Variants in TBC1D13 observed in about 807,000 individuals in gnomAD.
TBC1D13 encodes TBC1 domain family member 13, also known as epididymis secretory sperm binding protein.
Under a neutral mutation model 53.6 loss-of-function variants are expected in TBC1D13, and 40 were observed. That is an observed-to-expected ratio of 0.75 (90% CI 0.58 to 0.97). The LOEUF (loss-of-function observed/expected upper bound fraction) is 0.97. TBC1D13 is among the 50% of genes least tolerant of loss of function. The pLI is 0.00. For synonymous variants in TBC1D13, 182 were observed against 197.7 expected (o/e 0.92, Z 0.67); for missense variants, 377 against 499.4 (o/e 0.75, Z 2.34).
intron 7 of TBC1D13, among the ~76,000 whole-genome samples, chr9:128,799,650 AATG>A (rs1420172224): frequency 1.3e-5 from 2 of 152,174 alleles, no homozygotes; most frequent in African/African-American, 4.8e-5. Flanking sequence ...TCATCTTGAA[AATG>A]ATGTTGAGAG....
At position 128,792,478 on chromosome 9, in the gene TBC1D13, A is replaced by G. The variant is rs893960414; in HGVS notation, c.301-14A>G. 1 of 1,613,416 alleles carries G rather than the reference A, an allele frequency of 6.2e-7. No homozygotes were observed. Among genetic ancestry groups the G allele is most frequent in the Non-Finnish European group, 8.5e-7 (1 of 1,179,694 alleles). ...GCTGGGCCTTGGACAGAGCATCTTC[A>G]TTTCTCCCCACAGCCACTCAACCCC... On this transcript the variant is annotated splice_polypyrimidine_tract_variant and intron_variant, in intron 5 of 11. Coordinates refer to ENST00000372648, the MANE Select transcript of TBC1D13 (RefSeq NM_018201.5).
At chr9:128,787,472 C>A (rs114694814) in intron 1 of TBC1D13, 96 bp downstream of exon 1, 44,958 of 1,185,346 alleles carry the variant, frequency 0.038, 930 homozygotes, top group Middle Eastern at 0.072. Context: ...GGCCAGGAAT[C>A]GGCAGACCCC....
At chr9:128,788,153 A>G (rs1829463219) in intron 1 of TBC1D13, among the ~76,000 whole-genome samples, 181 bp from the exon 2 acceptor site, 1 of 152,206 alleles carries the variant, frequency 6.6e-6, no homozygotes, top group Non-Finnish European at 1.5e-5. Context: ...GAAGTGAAAT[A>G]TAGTTTTGTT....
rs1340024856 is a variant in TBC1D13 at position 128,787,279 on chromosome 9, C to T, written c.-75C>T. The T allele has an allele frequency of 5.1e-6, 6 of 1,179,660 alleles. No homozygotes were observed. The highest frequency in any genetic ancestry group is 4.3e-5 in the Admixed American group (1 of 23,404). 73.1% of individuals were successfully genotyped at this position (1,179,660 alleles called of 1,614,324 possible). A position where few individuals can be genotyped will look rare whatever the true frequency, so the allele number is the denominator to read the frequency against. On this transcript the variant is annotated 5_prime_UTR_variant, in exon 1 of 12. Transcript: ENST00000372648. ...CGCAGAGCCCCGCGTCCCTGGGGGG[C>T]GGCGGCGGCGGCGGCAGCGCAGGCG...
intron 7 of TBC1D13, among the ~76,000 whole-genome samples, chr9:128,802,274 T>G (rs1829750376): frequency 6.6e-6 from 1 of 151,906 alleles, no homozygotes. Flanking sequence ...GTCAGGCTGG[T>G]CTTGAACTCC....
intron 5 of TBC1D13, among the ~76,000 whole-genome samples, chr9:128,792,103 A>G (rs949172384): frequency 1.3e-5 from 2 of 152,242 alleles, no homozygotes; most frequent in Non-Finnish European, 2.9e-5. Context: ...AGACTCACAG[A>G]TAGGAATTGA....
At chr9:128,788,850 A>C (rs1042698256) in intron 2 of TBC1D13, among the ~76,000 whole-genome samples, 1 of 152,130 alleles carries the variant, frequency 6.6e-6, no homozygotes, top group Non-Finnish European at 1.5e-5. Context: ...GCCTGAACTA[A>C]ACCTTGGCTA....
chr9:128,796,578 A>G (rs7867578), intron 6 of TBC1D13, among the ~76,000 whole-genome samples: 145,168 of 152,084 alleles, frequency 0.95, 69,294 homozygotes, highest in Non-Finnish European at 0.96. Flanking sequence ...TAGAGGCAAA[A>G]TTTACCATGT....
chr9:128,791,331 C>T (rs375929835), intron 3 of TBC1D13, 49 bp from the exon 4 acceptor site: 38 of 1,554,062 alleles, frequency 2.4e-5, no homozygotes, highest in East Asian at 1.8e-4. Flanking sequence ...TAAAGACTGA[C>T]GTTGGTGCAG....
At position 128,807,846 on chromosome 9, in the gene TBC1D13, G is replaced by A; in HGVS notation, c.1170G>A (p.Leu390=). 1.2e-6 allele frequency: 2 copies of A among 1,614,222 alleles called. No individual in the cohort carries two copies. The highest frequency in any genetic ancestry group is 1.7e-6 in the Non-Finnish European group (2 of 1,180,042). The change falls in exon 12 of 12, where the codon CTG becomes CTA. Residue 390 remains leucine (L), a synonymous_variant. Transcript: ENST00000372648. The part of the protein sequence containing the change: ...DYPITDVCQI[L]QKAKELQDSK Reference sequence around the variant, plus strand: ...CCATCACAGATGTCTGCCAGATCCTGCAGAAAGCCAAGGAGCTCCAAGACT... The same window carrying A: ...CCATCACAGATGTCTGCCAGATCCTACAGAAAGCCAAGGAGCTCCAAGACT...
At chr9:128,794,306 C>A (rs1261565256) in intron 6 of TBC1D13, among the ~76,000 whole-genome samples, 1 of 152,216 alleles carries the variant, frequency 6.6e-6, no homozygotes, top group Non-Finnish European at 1.5e-5. Context: ...CCGCACAGGG[C>A]AACTCAGCCA....
At position 128,809,936 on chromosome 9, in the gene TBC1D13, C is replaced by T. The variant is rs3829901; in HGVS notation, c.*2057C>T. ...GCCCCTTCTCCAACCCCTTCATAAG[C>T]TTGGGCCACTGCCTGGGACCCAGCA... is the stretch of plus-strand genomic sequence containing the variant. On this transcript the variant is annotated 3_prime_UTR_variant, in exon 12 of 12. Transcript: ENST00000372648. 0.052 allele frequency: 8,010 copies of T among 152,678 alleles called. 242 individuals are homozygous for T. Among genetic ancestry groups the T allele is most frequent in the East Asian group, 0.1 (539 of 5,172 alleles). 9.5% of individuals were successfully genotyped at this position (152,678 alleles called of 1,614,324 possible).
intron 2 of TBC1D13, among the ~76,000 whole-genome samples, chr9:128,790,489 G>A (rs930801218): frequency 6.6e-6 from 1 of 151,534 alleles, no homozygotes; most frequent in East Asian, 1.9e-4. Flanking sequence ...CTGGAGAATC[G>A]CTGGAACTCG....
At chr9:128,799,573 G>C (rs1031048702) in intron 7 of TBC1D13, among the ~76,000 whole-genome samples, 3 of 152,196 alleles carry the variant, frequency 2.0e-5, no homozygotes, top group Non-Finnish European at 2.9e-5. Flanking sequence ...TCAGGGTCAA[G>C]TCCTGATGCC....
At chr9:128,787,597 C>T (rs1829447074) in intron 1 of TBC1D13, among the ~76,000 whole-genome samples, 1 of 152,006 alleles carries the variant, frequency 6.6e-6, no homozygotes, top group Non-Finnish European at 1.5e-5. Flanking sequence ...CCTCCCTCAT[C>T]CTGGACCCCT....
intron 2 of TBC1D13, among the ~76,000 whole-genome samples, chr9:128,789,432 C>G (rs74976019): frequency 2.0e-5 from 3 of 151,672 alleles, no homozygotes; most frequent in Non-Finnish European, 2.9e-5. Flanking sequence ...GCAGCAACTG[C>G]GGTAGTGAGC....
chr9:128,802,209 C>T (rs1829748755), intron 7 of TBC1D13, among the ~76,000 whole-genome samples: 2 of 149,542 alleles, frequency 1.3e-5, no homozygotes, highest in Non-Finnish European at 3.0e-5. Context: ...GTATACGCCA[C>T]CACGCCTGGC....
chr9:128,802,926 G>A (rs1286211759), intron 7 of TBC1D13, among the ~76,000 whole-genome samples: 1 of 152,066 alleles, frequency 6.6e-6, no homozygotes, highest in Non-Finnish European at 1.5e-5. Context: ...GTAGAGACGG[G>A]ATCTCCCTAT....
rs1829923544 is a variant in TBC1D13 at position 128,810,218 on chromosome 9, G to T, written c.*2339G>T. The T allele has an allele frequency of 6.6e-6, 1 of 152,196 alleles. No homozygotes were observed. Among genetic ancestry groups the T allele is most frequent in the Non-Finnish European group, 1.5e-5 (1 of 68,054 alleles). The allele number at this position is 152,196 out of a possible 1,614,324, so 9.4% of individuals were successfully genotyped here. ...CCAGATTCTCAAGCAGATGCCCAAG[G>T]GAGGTCCCCACAGAGCCAGAGTGCC... On this transcript the variant is annotated 3_prime_UTR_variant, in exon 12 of 12. Coordinates refer to ENST00000372648, the MANE Select transcript of TBC1D13 (RefSeq NM_018201.5).
Sources: allele counts gnomAD v4.1 joint callset (sites outside exome capture counted in the v4.1 genomes callset), GRCh38; gene constraint gnomAD v4.1.1; transcripts MANE v1.5; gene names NCBI Gene and HGNC (gene_info 2026-07-23, HGNC 2026-07-21).